Variants in FRMD4B observed in about 807,000 individuals in gnomAD.
FRMD4B encodes FERM domain containing 4B.
A neutral mutation model predicts 141.5 loss-of-function variants in FRMD4B; 74 were observed. That is an observed-to-expected ratio of 0.52 (90% CI 0.43 to 0.63). The LOEUF (loss-of-function observed/expected upper bound fraction) is 0.63, where lower values mean the gene tolerates loss of function less well. Ranked by LOEUF, FRMD4B falls within the 30% of genes least tolerant of loss-of-function variation. The probability of loss-of-function intolerance (pLI) is 0.00; values close to 1 mark genes in which losing one functional copy is unlikely to be tolerated. For synonymous variants in FRMD4B, 506 were observed against 467.9 expected, an observed-to-expected ratio of 1.08 and a Z score of -1.05; for missense variants, 1,366 against 1,253.4, an observed-to-expected ratio of 1.09 and a Z score of -1.36.
In FRMD4B at chr3:69,530,969, C is replaced by T. The variant is rs555503745; in HGVS notation, c.-129+11237G>A. ...AAGCAACCGGACAGACAGAAATACCCAAAGAGGGGCAGAGAGGAGAAATAG... is the reference window on the plus strand; with the variant it reads ...AAGCAACCGGACAGACAGAAATACCTAAAGAGGGGCAGAGAGGAGAAATAG... On this transcript the variant is annotated intron_variant, in intron 1 of 5. Transcript: ENST00000459638. 5.9e-5 allele frequency among the ~76,000 whole-genome samples: 9 copies of T among 152,248 alleles called. 2 individuals carry two copies. In the South Asian group the frequency reaches 1.9e-3, roughly 32 times the overall value.
At chr3:69,494,542 A>G (rs1393735940) in intron 1 of FRMD4B, among the ~76,000 whole-genome samples, 1 of 152,212 alleles carries the variant, frequency 6.6e-6, no homozygotes, top group Non-Finnish European at 1.5e-5. Context: ...CCAAAGGCTG[A>G]GTTCACACAT....
At chr3:69,478,570 C>G (rs939522995) in intron 1 of FRMD4B, among the ~76,000 whole-genome samples, 2 of 152,106 alleles carry the variant, frequency 1.3e-5, no homozygotes, top group Admixed American at 1.3e-4. Context: ...GTCTGAGAGA[C>G]AGTTTGTTAT....
intron 1 of FRMD4B, among the ~76,000 whole-genome samples, chr3:69,467,675 C>T (rs1414560280): frequency 2.6e-5 from 4 of 152,138 alleles, no homozygotes; most frequent in African/African-American, 7.2e-5. Context: ...ATAATCACAA[C>T]CATAGTGTCT....
intron 2 of FRMD4B, among the ~76,000 whole-genome samples, chr3:69,416,399 G>T (rs952149001): frequency 6.6e-6 from 1 of 152,158 alleles, no homozygotes; most frequent in African/African-American, 2.4e-5. Context: ...TCTCACTTTG[G>T]CCTCCAAAGT....
chr3:69,377,003 C>A (rs998067594), intron 1 of FRMD4B: 4 of 151,888 alleles, frequency 2.6e-5, no homozygotes, highest in Non-Finnish European at 5.9e-5. Flanking sequence ...AGAGTCCGTT[C>A]TTGATGCTTT....
intron 13 of FRMD4B, chr3:69,196,676 C>T: frequency 1.7e-6 from 1 of 580,268 alleles, no homozygotes; most frequent in South Asian, 2.2e-5. Context: ...CCAGTATATA[C>T]AAACGTGCAT....
At chr3:69,486,322 G>A (rs955242707) in intron 1 of FRMD4B, among the ~76,000 whole-genome samples, 4 of 152,124 alleles carry the variant, frequency 2.6e-5, no homozygotes, top group Admixed American at 1.3e-4. Flanking sequence ...TGCATCAACC[G>A]AGCAGTATAC....
intron 7 of FRMD4B, among the ~76,000 whole-genome samples, chr3:69,246,685 C>A (rs888289181): frequency 1.3e-5 from 2 of 152,290 alleles, no homozygotes; most frequent in East Asian, 3.9e-4. Context: ...TAAGTGGCCA[C>A]TCAGAGGGAT....
chr3:69,380,654 G>T lies in FRMD4B; in HGVS notation c.162+5174C>A, dbSNP rs140129846. On this transcript the variant is annotated intron_variant, in intron 1 of 22. Coordinates refer to ENST00000398540, the MANE Select transcript of FRMD4B (RefSeq NM_015123.3). ...TCAAGTTGAGCCTACAGACTCTGCC[G>T]TGTTCTGTGCTCTATGCTACCCCCT... Among the ~76,000 whole-genome samples the T allele has an allele frequency of 2.4e-3, 358 of 152,294 alleles. 4 individuals carry two copies. The highest frequency in any genetic ancestry group is 8.3e-3 in the African/African-American group (343 of 41,562).
chr3:69,508,925 C>A (rs1382274714), intron 1 of FRMD4B, among the ~76,000 whole-genome samples: 1 of 152,196 alleles, frequency 6.6e-6, no homozygotes, highest in Non-Finnish European at 1.5e-5. Context: ...GACCACACAG[C>A]TAGAATGTTG....
chr3:69,444,468 A>G (rs1398124534), intron 1 of FRMD4B, among the ~76,000 whole-genome samples: 2 of 152,158 alleles, frequency 1.3e-5, no homozygotes, highest in Non-Finnish European at 2.9e-5. Context: ...AAGTGTTGTG[A>G]TTATTGACAT....
chr3:69,323,653 T>TATAA (rs1553723964), intron 1 of FRMD4B, among the ~76,000 whole-genome samples: 26 of 128,354 alleles, frequency 2.0e-4, no homozygotes, highest in African/African-American at 6.7e-4. Flanking sequence ...TATATATATA[T>TATAA]GCGTTTTAAA....
chr3:69,416,469 T>C (rs191823001), intron 2 of FRMD4B, among the ~76,000 whole-genome samples: 4 of 152,268 alleles, frequency 2.6e-5, no homozygotes, highest in Admixed American at 1.3e-4. Flanking sequence ...ATAAGTTAGA[T>C]TGCAACCCAC....
chr3:69,377,326 G>C (rs1703997176), intron 1 of FRMD4B, among the ~76,000 whole-genome samples: 1 of 152,078 alleles, frequency 6.6e-6, no homozygotes, highest in South Asian at 2.1e-4. Context: ...GTCTGTTGTG[G>C]TCCAATCCCT....
chr3:69,174,375 A>C (rs1463253283), intron 22 of FRMD4B, among the ~76,000 whole-genome samples: 1 of 152,206 alleles, frequency 6.6e-6, no homozygotes, highest in Admixed American at 6.5e-5. Context: ...TTTCATGTAC[A>C]ACATAAGATG....
At chr3:69,205,750 G>A (rs1322175302) in intron 11 of FRMD4B, among the ~76,000 whole-genome samples, 1 of 152,154 alleles carries the variant, frequency 6.6e-6, no homozygotes, top group East Asian at 1.9e-4. Flanking sequence ...AAATGTCTAT[G>A]GTGCTGAGAT....
intron 1 of FRMD4B, among the ~76,000 whole-genome samples, chr3:69,358,373 T>A (rs77393250): frequency 3.9e-5 from 6 of 152,158 alleles, no homozygotes; most frequent in African/African-American, 1.4e-4. Flanking sequence ...TCATTTTGCA[T>A]TGTGCTATGG....
intron 1 of FRMD4B, among the ~76,000 whole-genome samples, chr3:69,437,181 A>G (rs1705272147): frequency 6.6e-6 from 1 of 151,924 alleles, no homozygotes; most frequent in East Asian, 1.9e-4. Flanking sequence ...CAAGCGACCC[A>G]CCCACCTCAG....
At position 69,242,289 on chromosome 3, in the gene FRMD4B, T is replaced by C. The variant is rs933831255; in HGVS notation, c.581+6937A>G. Among the ~76,000 whole-genome samples the C allele has an allele frequency of 7.2e-5, 11 of 152,018 alleles. No homozygotes were observed. The East Asian group carries it at 1.4e-3, about 19-fold the overall frequency. On this transcript the variant is annotated intron_variant, in intron 7 of 22. Coordinates refer to ENST00000398540, the MANE Select transcript of FRMD4B (RefSeq NM_015123.3). ...GGTACTCAGCATAGCGCCTTGCCCA[T>C]GGGAGATGATATTTTTATTATTATC...
Sources: gnomAD v4.1 joint callset for allele counts (sites outside exome capture counted in the v4.1 genomes callset) on GRCh38, gnomAD v4.1.1 for gene constraint, MANE v1.5 for transcripts, NCBI Gene and HGNC (gene_info 2026-07-23, HGNC 2026-07-21) for gene names.